Variants in TC2N observed in about 807,000 individuals in gnomAD.
TC2N encodes the protein tandem C2 domains, nuclear.
In TC2N, 51 loss-of-function variants were observed where a neutral mutation model predicts 61.9. That is an observed-to-expected ratio of 0.82 (90% CI 0.66 to 1.04). The LOEUF is 1.04. Ranked by LOEUF, TC2N falls within the 50% of genes least tolerant of loss-of-function variation. The pLI, the probability that TC2N is intolerant of heterozygous loss-of-function variation, is 0.00. For missense variants in TC2N, 556 were observed against 566.7 expected (o/e 0.98, Z 0.19); for synonymous variants, 204 against 192.6 (o/e 1.06, Z -0.49).
intron 1 of TC2N, among the ~76,000 whole-genome samples, chr14:91,840,864 G>T (rs1201969927): frequency 6.6e-6 from 1 of 152,022 alleles, no homozygotes; most frequent in Non-Finnish European, 1.5e-5. Flanking sequence ...TGGGATAATG[G>T]GTGGTCACAG....
intron 1 of TC2N, among the ~76,000 whole-genome samples, chr14:91,858,333 G>A (rs1336612365): frequency 6.6e-6 from 1 of 151,938 alleles, no homozygotes; most frequent in Non-Finnish European, 1.5e-5. Context: ...AGGATTCAGG[G>A]TTGACATCGA....
rs117666246 is a variant in TC2N at position 91,813,609 on chromosome 14, G to C, written c.67+94C>G. The C allele has an allele frequency of 6.0e-6, 5 of 831,500 alleles. No homozygotes were observed. The East Asian group carries it at 1.0e-4, about 17-fold the overall frequency. The allele number at this position is 831,500 out of a possible 1,614,324, so 51.5% of individuals were successfully genotyped here. On this transcript the variant is annotated intron_variant, in intron 2 of 11. Coordinates refer to ENST00000435962, the MANE Select transcript of TC2N (RefSeq NM_001128596.3). The stretch of plus-strand genomic sequence containing the variant: ...TGCCTTATGTTTCTGCCTCCCCTAA[G>C]AAGTTGGAAAACATGCCTAATTCTT...
rs149793100 is a variant in TC2N, at chr14:91,808,351, G to A, written c.301+3961C>T. Among the ~76,000 whole-genome samples, 41 of 152,256 alleles carry A rather than the reference G, an allele frequency of 2.7e-4. No individual in the cohort carries two copies. The East Asian group carries it at 7.3e-3, about 27-fold the overall frequency. ...AGTAGGCTACACCATCTAGGTTTGT[G>A]TAAGTGCCTCTACACTGTCCATGCA... is the stretch of plus-strand genomic sequence containing the variant. On this transcript the variant is annotated intron_variant, in intron 3 of 11. Transcript: ENST00000435962.
chr14:91,854,987 G>C (rs1009057891), intron 1 of TC2N, among the ~76,000 whole-genome samples: 3 of 152,186 alleles, frequency 2.0e-5, no homozygotes, highest in Admixed American at 1.3e-4. Context: ...GAGGGGTTCT[G>C]ACCTGAACAA....
chr14:91,821,559 A>G (rs1887255503), intron 1 of TC2N, among the ~76,000 whole-genome samples: 2 of 152,092 alleles, frequency 1.3e-5, no homozygotes, highest in South Asian at 4.1e-4. Flanking sequence ...AGAAGAAAAC[A>G]TAGGAGTAAA....
chr14:91,794,100 A>T (rs1345100113), intron 8 of TC2N, among the ~76,000 whole-genome samples: 1 of 152,184 alleles, frequency 6.6e-6, no homozygotes, highest in Non-Finnish European at 1.5e-5. Flanking sequence ...CATTCCCTTA[A>T]GCCAAAACCT....
At chr14:91,847,157 C>G (rs1430563427) in intron 1 of TC2N, among the ~76,000 whole-genome samples, 1 of 151,416 alleles carries the variant, frequency 6.6e-6, no homozygotes, top group Non-Finnish European at 1.5e-5. Context: ...ACTCAGGAGG[C>G]TGAGGTAGGA....
chr14:91,792,704 T>C (rs1468105678), intron 8 of TC2N, 146 bp from the exon 9 acceptor site: 2 of 458,598 alleles, frequency 4.4e-6, no homozygotes, highest in Non-Finnish European at 7.5e-6. Context: ...AAAATAAGAA[T>C]GGCAATGACT....
chr14:91,801,150 TCA>T (rs918208243), intron 4 of TC2N, among the ~76,000 whole-genome samples: 18 of 151,828 alleles, frequency 1.2e-4, no homozygotes, highest in Non-Finnish European at 2.4e-4. Context: ...AGACTATAAT[TCA>T]CACAGTCTCA....
chr14:91,846,909 A>C (rs1409392998), intron 1 of TC2N, among the ~76,000 whole-genome samples: 1 of 152,192 alleles, frequency 6.6e-6, no homozygotes, highest in African/African-American at 2.4e-5. Context: ...AAAACCCATG[A>C]AAAAGGATGC....
At chr14:91,860,766 C>A (rs1378405066) in intron 1 of TC2N, among the ~76,000 whole-genome samples, 1 of 152,184 alleles carries the variant, frequency 6.6e-6, no homozygotes, top group Non-Finnish European at 1.5e-5. Flanking sequence ...AAAAAGTGGT[C>A]TGTAGTGAGG....
At chr14:91,808,199 T>C (rs747059325) in intron 3 of TC2N, among the ~76,000 whole-genome samples, 2 of 152,192 alleles carry the variant, frequency 1.3e-5, no homozygotes, top group Admixed American at 1.3e-4. Flanking sequence ...AGGTGTATCA[T>C]CTTTTAACTT....
In TC2N at chr14:91,812,487, A is replaced by G; in HGVS notation, c.126T>C (p.Ser42=). 6.2e-7 allele frequency: 1 copy of G among 1,610,666 alleles called. No individual in the cohort carries two copies. Among genetic ancestry groups the G allele is most frequent in the Non-Finnish European group, 8.5e-7 (1 of 1,177,620 alleles). ...AVPNSQNATI[S]VPPLTSVSVK... ...CAGAAACAGAAGTCAATGGAGGTACAGAGATAGTAGCATTTTGACTATTTG... is the reference window on the plus strand; with the variant it reads ...CAGAAACAGAAGTCAATGGAGGTACGGAGATAGTAGCATTTTGACTATTTG... The change falls in exon 3 of 12, where the codon TCT becomes TCC. Residue 42 remains serine, a synonymous_variant. Transcript: ENST00000435962.
chr14:91,826,887 T>C (rs1229538514), intron 1 of TC2N, among the ~76,000 whole-genome samples: 2 of 152,224 alleles, frequency 1.3e-5, no homozygotes, highest in African/African-American at 2.4e-5. Context: ...TGCAGCTTTC[T>C]TTTAGAAAGC....
chr14:91,823,295 T>C (rs1363098932), intron 1 of TC2N, among the ~76,000 whole-genome samples: 3 of 151,102 alleles, frequency 2.0e-5, no homozygotes, highest in Non-Finnish European at 4.4e-5. Flanking sequence ...CCAAGGCGGG[T>C]GGATCACCTA....
chr14:91,784,089 A>G (rs1885248513), intron 11 of TC2N, among the ~76,000 whole-genome samples: 1 of 152,112 alleles, frequency 6.6e-6, no homozygotes, highest in Non-Finnish European at 1.5e-5. Context: ...GCTATACCAG[A>G]TAAGCCATAC....
intron 1 of TC2N, among the ~76,000 whole-genome samples, chr14:91,830,789 C>T (rs937958609): frequency 2.6e-5 from 4 of 152,052 alleles, no homozygotes; most frequent in African/African-American, 7.2e-5. Flanking sequence ...AAAACTTCTC[C>T]CCATGGTCTG....
rs2139830804 is a variant in TC2N, at chr14:91,792,377, G to A, written c.1037C>T (p.Ser346Leu). 1 of 1,586,026 alleles carries A rather than the reference G, an allele frequency of 6.3e-7. No individual in the cohort carries two copies. Among genetic ancestry groups the A allele is most frequent in the Non-Finnish European group, 8.6e-7 (1 of 1,165,670 alleles). ...MDYSLDITPP[S>L]KISVCHAELE... The stretch of plus-strand genomic sequence containing the variant: ...ACTATTATCGCTTACAGAAATTTTT[G>A]AAGGTGGTGTTATATCCAAAGAGTA... Residue 346 changes from serine to leucine, a missense_variant, in exon 9 of 12, where the codon TCA becomes TTA. Ser to Leu is a moderately radical substitution (Grantham distance 145, BLOSUM62 -2). Coordinates refer to ENST00000435962, the MANE Select transcript of TC2N (RefSeq NM_001128596.3).
intron 1 of TC2N, chr14:91,866,676 C>T (rs569615442): frequency 2.3e-4 from 35 of 152,352 alleles, no homozygotes; most frequent in Non-Finnish European, 4.1e-4. Flanking sequence ...AGCCCAGCTC[C>T]TGGATGGGGC....
Sources: allele counts gnomAD v4.1 joint callset (sites outside exome capture counted in the v4.1 genomes callset), GRCh38; gene constraint gnomAD v4.1.1; transcripts MANE v1.5; gene names NCBI Gene and HGNC (gene_info 2026-07-23, HGNC 2026-07-21).